The following SAMD4A variants were observed in gnomAD, a reference collection of about 807,000 sequenced individuals.
SAMD4A encodes sterile alpha motif domain containing 4A, also known as protein Smaug homolog 1.
A neutral mutation model predicts 81.3 loss-of-function variants in SAMD4A; 33 were observed. The observed-to-expected ratio is 0.41, with a 90% CI of 0.31 to 0.54. SAMD4A has a LOEUF of 0.54. Among genes scored for constraint, SAMD4A ranks in the 20% least tolerant of loss-of-function variants. The pLI is 0.37. For synonymous variants in SAMD4A, 389 were observed against 382.1 expected (o/e 1.02, Z -0.21); for missense variants, 854 against 951.1 (o/e 0.90, Z 1.34).
intron 2 of SAMD4A, among the ~76,000 whole-genome samples, chr14:54,683,164 A>G (rs926333216): frequency 2.8e-4 from 43 of 152,214 alleles, no homozygotes; most frequent in African/African-American, 1.0e-3. Context: ...TCTCCTTTCC[A>G]GGTACCCCTG....
intron 2 of SAMD4A, among the ~76,000 whole-genome samples, chr14:54,686,327 C>G (rs967255044): frequency 7.2e-5 from 11 of 152,162 alleles, no homozygotes; most frequent in African/African-American, 2.7e-4. Context: ...TCGGGAAGGC[C>G]TAGCCAGAGA....
chr14:54,689,272 C>G (rs2036368349), intron 2 of SAMD4A, among the ~76,000 whole-genome samples: 1 of 152,108 alleles, frequency 6.6e-6, no homozygotes, highest in Admixed American at 6.5e-5. Flanking sequence ...GCATGCCCCT[C>G]CTCCATACTT....
At chr14:54,626,020 GTGTGT>G (rs2034739063) in intron 2 of SAMD4A, among the ~76,000 whole-genome samples, 1 of 59,020 alleles carries the variant, frequency 1.7e-5, no homozygotes, top group Non-Finnish European at 3.5e-5. Flanking sequence ...TGCTAGGTGT[GTGTGT>G]GTGTGTGTGT....
chr14:54,658,837 T>C (rs2035579929), intron 2 of SAMD4A, among the ~76,000 whole-genome samples: 1 of 152,236 alleles, frequency 6.6e-6, no homozygotes, highest in African/African-American at 2.4e-5. Flanking sequence ...CGTATTACTA[T>C]TGTCACTCAT....
chr14:54,616,867 A>T (rs533348193), intron 2 of SAMD4A, among the ~76,000 whole-genome samples: 2 of 152,232 alleles, frequency 1.3e-5, no homozygotes, highest in Non-Finnish European at 2.9e-5. Flanking sequence ...GGAAAATTCC[A>T]TTTAATGAGG....
At chr14:54,713,921 C>T (rs1417968605) in intron 3 of SAMD4A, among the ~76,000 whole-genome samples, 3 of 152,126 alleles carry the variant, frequency 2.0e-5, no homozygotes, top group African/African-American at 7.2e-5. Context: ...AGTTACTTGA[C>T]CTCTAAGCCT....
rs1192203421 is a variant in SAMD4A at position 54,764,456 on chromosome 14, G to A, written c.1512G>A (p.Val504=). 1.9e-6 allele frequency: 3 copies of A among 1,599,454 alleles called. No homozygotes were observed. In the East Asian group the frequency reaches 6.7e-5, roughly 36 times the overall value. The part of the protein sequence containing the change: ...PGQFTRVMGK[V]CTQLLVSRPD... ...TTCATCTTTTCTTTTTAATTACAGTGTGCACACAGCTCTTGGTCTCCAGAC... is the reference window on the plus strand; with the variant it reads ...TTCATCTTTTCTTTTTAATTACAGTATGCACACAGCTCTTGGTCTCCAGAC... Residue 504 remains valine (V), a splice_region_variant and synonymous_variant, in exon 8 of 13, where the codon GTG becomes GTA. Coordinates refer to ENST00000554335, the MANE Select transcript of SAMD4A (RefSeq NM_015589.6).
chr14:54,747,715 T>C (rs888812476), intron 4 of SAMD4A, among the ~76,000 whole-genome samples: 1 of 152,234 alleles, frequency 6.6e-6, no homozygotes, highest in Admixed American at 6.5e-5. Context: ...TAAGAATTGG[T>C]ACATTGTAGG....
chr14:54,766,615 G>A (rs1194007247), intron 8 of SAMD4A, among the ~76,000 whole-genome samples: 1 of 152,146 alleles, frequency 6.6e-6, no homozygotes, highest in Non-Finnish European at 1.5e-5. Context: ...TGTCTGCAGG[G>A]CTCCGTGTTT....
At chr14:54,688,242 C>G in intron 2 of SAMD4A, 2 of 985,460 alleles carry the variant, frequency 2.0e-6, no homozygotes, top group Non-Finnish European at 2.4e-6. Flanking sequence ...GGTTCATCGT[C>G]AGACCAGTGA....
chr14:54,784,437 C>T (rs755451231), intron 11 of SAMD4A, 100 bp from the exon 12 acceptor site: 7 of 1,612,722 alleles, frequency 4.3e-6, no homozygotes, highest in Non-Finnish European at 5.9e-6. Flanking sequence ...TCCCCAAGTC[C>T]TCCCAGGGAG....
chr14:54,751,094 T>C (rs2038091077), intron 5 of SAMD4A, among the ~76,000 whole-genome samples: 1 of 151,972 alleles, frequency 6.6e-6, no homozygotes, highest in South Asian at 2.1e-4. Flanking sequence ...AAACCCCATC[T>C]CTACTAAAAA....
intron 3 of SAMD4A, among the ~76,000 whole-genome samples, chr14:54,710,124 A>G (rs146022114): frequency 6.6e-6 from 1 of 152,182 alleles, no homozygotes; most frequent in Non-Finnish European, 1.5e-5. Context: ...TGAGGTAAGA[A>G]CTCAGAAACT....
In SAMD4A at chr14:54,581,469, C is replaced by T. The variant is rs76093426; in HGVS notation, c.196+13357C>T. On this transcript the variant is annotated intron_variant, in intron 2 of 12. Coordinates refer to ENST00000554335, the MANE Select transcript of SAMD4A (RefSeq NM_015589.6). Reference sequence around the variant, plus strand: ...CAATTGGGACTTTAAGCCTTGTGGCCCTGATTTCCACAGGCTGGACTGTCT... The same window carrying T: ...CAATTGGGACTTTAAGCCTTGTGGCTCTGATTTCCACAGGCTGGACTGTCT... Among the ~76,000 whole-genome samples the T allele has an allele frequency of 2.0e-3, 300 of 152,318 alleles. 2 individuals are homozygous for T. Among genetic ancestry groups the T allele is most frequent in the African/African-American group, 6.9e-3 (286 of 41,564 alleles).
chr14:54,636,927 A>G lies in SAMD4A; in HGVS notation c.197-65135A>G, dbSNP rs192290458. ...GATATATAAGTCTGGAATTTAAAAGAGACCGATCAAGGGGGCGAGATATAC... is the reference window on the plus strand; with the variant it reads ...GATATATAAGTCTGGAATTTAAAAGGGACCGATCAAGGGGGCGAGATATAC... On this transcript the variant is annotated intron_variant, in intron 2 of 12. Transcript: ENST00000554335. 1.7e-3 allele frequency among the ~76,000 whole-genome samples: 255 copies of G among 152,306 alleles called. 2 individuals carry two copies. The highest frequency in any genetic ancestry group is 5.9e-3 in the African/African-American group (246 of 41,580).
intron 2 of SAMD4A, among the ~76,000 whole-genome samples, chr14:54,580,411 TTGAA>T (rs767347474): frequency 5.3e-5 from 8 of 152,244 alleles, no homozygotes; most frequent in Non-Finnish European, 8.8e-5. Flanking sequence ...CCCTCGTATT[TTGAA>T]ATTGCAGAGT....
chr14:54,767,710 C>T (rs2038589327), intron 8 of SAMD4A, among the ~76,000 whole-genome samples: 1 of 152,232 alleles, frequency 6.6e-6, no homozygotes, highest in African/African-American at 2.4e-5. Context: ...TGCTCCCCAG[C>T]CCAACCTGGG....
chr14:54,707,011 A>G (rs2036876826), intron 3 of SAMD4A, among the ~76,000 whole-genome samples: 1 of 152,036 alleles, frequency 6.6e-6, no homozygotes, highest in Non-Finnish European at 1.5e-5. Flanking sequence ...TATCATTAGG[A>G]TAGGAGCACG....
intron 2 of SAMD4A, among the ~76,000 whole-genome samples, chr14:54,683,987 A>T (rs1271503416): frequency 2.0e-5 from 3 of 152,228 alleles, no homozygotes; most frequent in African/African-American, 7.2e-5. Flanking sequence ...TCAGATATTA[A>T]TAGAAAATCA....
Sources: gnomAD v4.1 joint callset for allele counts (sites outside exome capture counted in the v4.1 genomes callset) on GRCh38, gnomAD v4.1.1 for gene constraint, MANE v1.5 for transcripts, NCBI Gene and HGNC (gene_info 2026-07-23, HGNC 2026-07-21) for gene names.